GPM6A: variants seen among roughly 807,000 people sequenced by gnomAD.
The protein encoded by GPM6A is neuronal membrane glycoprotein M6-a.
In GPM6A, 7 loss-of-function variants were observed where a neutral mutation model predicts 32.1. The observed-to-expected ratio is 0.22, with a 90% CI of 0.12 to 0.41. The LOEUF is 0.41. Ranked by LOEUF, GPM6A falls within the 10% of genes least tolerant of loss-of-function variation. The pLI is 1.00. For missense variants in GPM6A, 235 were observed against 347.2 expected, an observed-to-expected ratio of 0.68 and a Z score of 2.57; for synonymous variants, 130 against 123.4, an observed-to-expected ratio of 1.05 and a Z score of -0.35.
At chr4:175,898,841 C>T (rs1737870391) in intron 1 of GPM6A, among the ~76,000 whole-genome samples, 1 of 152,170 alleles carries the variant, frequency 6.6e-6, no homozygotes, top group Non-Finnish European at 1.5e-5. Flanking sequence ...AGTAACATTG[C>T]TGATGCTGTC....
intron 1 of GPM6A, among the ~76,000 whole-genome samples, chr4:175,841,761 T>C (rs1184736755): frequency 1.3e-5 from 2 of 152,152 alleles, no homozygotes; most frequent in African/African-American, 4.8e-5. Context: ...TTTTTATAAA[T>C]GGAGGGATTA....
chr4:175,734,253 G>A (rs1251496897), intron 1 of GPM6A, among the ~76,000 whole-genome samples: 1 of 151,660 alleles, frequency 6.6e-6, no homozygotes. Context: ...ACCAGGTTCT[G>A]TTCCCTTGTC....
chr4:175,898,878 G>T (rs1022243979), intron 1 of GPM6A, among the ~76,000 whole-genome samples: 1 of 152,096 alleles, frequency 6.6e-6, no homozygotes. Flanking sequence ...ACAAGGATTC[G>T]ATTACTCATT....
intron 1 of GPM6A, among the ~76,000 whole-genome samples, chr4:175,744,547 A>G (rs200331328): frequency 6.6e-6 from 1 of 152,144 alleles, no homozygotes; most frequent in South Asian, 2.1e-4. Context: ...TTTTAAAACA[A>G]TTAATATTGG....
At chr4:175,685,063 T>C (rs1268787730) in intron 2 of GPM6A, among the ~76,000 whole-genome samples, 1 of 152,070 alleles carries the variant, frequency 6.6e-6, no homozygotes, top group African/African-American at 2.4e-5. Flanking sequence ...AATTTTTTTG[T>C]ATTTTTTAGT....
chr4:175,802,916 C>T (rs372998099), intron 1 of GPM6A, among the ~76,000 whole-genome samples: 3 of 152,064 alleles, frequency 2.0e-5, no homozygotes, highest in African/African-American at 7.2e-5. Context: ...TGCTACCAAA[C>T]TACTGAATAT....
chr4:175,769,439 G>T (rs1733101661), intron 1 of GPM6A, among the ~76,000 whole-genome samples: 1 of 144,806 alleles, frequency 6.9e-6, no homozygotes, highest in African/African-American at 2.6e-5. Context: ...AGAAAATGAG[G>T]AATCAGATTA....
At chr4:175,645,678 G>GCACT (rs1741421831) in intron 4 of GPM6A, among the ~76,000 whole-genome samples, 1 of 152,076 alleles carries the variant, frequency 6.6e-6, no homozygotes, top group Non-Finnish European at 1.5e-5. Context: ...CCGAGATGGC[G>GCACT]CCACTGCACT....
intron 1 of GPM6A, among the ~76,000 whole-genome samples, chr4:175,893,802 T>C (rs1737715590): frequency 6.6e-6 from 1 of 152,206 alleles, no homozygotes; most frequent in African/African-American, 2.4e-5. Context: ...AAGTTTATTC[T>C]AGGAATGTGT....
chr4:175,701,549 TAAC>T (rs1239489285), intron 2 of GPM6A, 23 bp downstream of exon 2: 31 of 1,547,454 alleles, frequency 2.0e-5, no homozygotes, highest in Non-Finnish European at 2.7e-5. Flanking sequence ...ACATGGAAAA[TAAC>T]AAGAAATACT....
At chr4:175,842,188 T>C (rs768251734) in intron 1 of GPM6A, among the ~76,000 whole-genome samples, 8 of 152,170 alleles carry the variant, frequency 5.3e-5, no homozygotes. Flanking sequence ...CTTTTTCCTA[T>C]TATGTTTTTA....
intron 1 of GPM6A, among the ~76,000 whole-genome samples, chr4:175,876,057 G>A (rs1262711645): frequency 1.3e-5 from 2 of 152,046 alleles, no homozygotes; most frequent in African/African-American, 4.8e-5. Flanking sequence ...AACCTTTTTT[G>A]TCACTTACTT....
At chr4:175,768,099 G>A (rs1198903564) in intron 1 of GPM6A, among the ~76,000 whole-genome samples, 1 of 152,136 alleles carries the variant, frequency 6.6e-6, no homozygotes, top group African/African-American at 2.4e-5. Context: ...TATGGTTCAT[G>A]TTTATCTAGA....
chr4:175,739,269 G>T (rs13152426), intron 1 of GPM6A, among the ~76,000 whole-genome samples: 1 of 151,864 alleles, frequency 6.6e-6, no homozygotes, highest in Non-Finnish European at 1.5e-5. Flanking sequence ...TAGTCATCTG[G>T]CATGTGTATT....
At chr4:175,998,565 C>T (rs1012230015) in intron 1 of GPM6A, among the ~76,000 whole-genome samples, 1 of 152,228 alleles carries the variant, frequency 6.6e-6, no homozygotes, top group Non-Finnish European at 1.5e-5. Context: ...AAGGAACCCA[C>T]TGCTTCCCCA....
chr4:175,715,845 A>T (rs1166225774), intron 1 of GPM6A, among the ~76,000 whole-genome samples: 1 of 151,988 alleles, frequency 6.6e-6, no homozygotes, highest in Non-Finnish European at 1.5e-5. Context: ...GCGGGCAGAT[A>T]ACCTGAGGTC....
At chr4:175,732,543 T>C (rs1372944014) in intron 1 of GPM6A, among the ~76,000 whole-genome samples, 1 of 152,222 alleles carries the variant, frequency 6.6e-6, no homozygotes, top group Admixed American at 6.5e-5. Flanking sequence ...GGAAGACTAA[T>C]ATTTGTTTCT....
intron 1 of GPM6A, among the ~76,000 whole-genome samples, chr4:175,755,868 T>A (rs893174362): frequency 6.6e-6 from 1 of 152,164 alleles, no homozygotes; most frequent in Non-Finnish European, 1.5e-5. Flanking sequence ...ACTACAACGA[T>A]CTCAGGAGAT....
chr4:175,788,519 A>C (rs1057085054), intron 1 of GPM6A, among the ~76,000 whole-genome samples: 5 of 152,218 alleles, frequency 3.3e-5, no homozygotes, highest in African/African-American at 1.2e-4. Context: ...AATCAAAGCA[A>C]TCAAAGCATC....
Sources: allele counts gnomAD v4.1 joint callset (sites outside exome capture counted in the v4.1 genomes callset), GRCh38; gene constraint gnomAD v4.1.1; transcripts MANE v1.5; gene names NCBI Gene and HGNC (gene_info 2026-07-23, HGNC 2026-07-21).